Variants in TSC22D3 observed in about 807,000 individuals in gnomAD.
The protein encoded by TSC22D3 is TSC22 domain family protein 3.
TSC22D3 carries 4 observed loss-of-function variants against 11.1 expected under a neutral mutation model. The ratio of observed to expected loss-of-function variants is 0.36; its 90% confidence interval spans 0.18 to 0.83. TSC22D3 has a LOEUF of 0.83. Ranked by LOEUF, TSC22D3 falls within the 40% of genes least tolerant of loss-of-function variation. The pLI, the probability that TSC22D3 is intolerant of heterozygous loss-of-function variation, is 0.48. For missense variants in TSC22D3, 118 were observed against 159.4 expected (o/e 0.74, Z 1.40); for synonymous variants, 77 against 70.3 (o/e 1.10, Z -0.48).
At chrX:107,753,903 C>A (rs1929051507) in intron 1 of TSC22D3, among the ~76,000 whole-genome samples, 1 of 107,085 alleles carries the variant, frequency 9.3e-6, no homozygotes, top group South Asian at 4.1e-4. Context: ...ACCCATGGTG[C>A]AATTTCTTTC....
chrX:107,762,703 A>G (rs1929488645), intron 1 of TSC22D3, among the ~76,000 whole-genome samples: 1 of 109,524 alleles, frequency 9.1e-6, no homozygotes, highest in Non-Finnish European at 1.9e-5. Context: ...TCTTTCTGCT[A>G]TCTAATCTCA....
chrX:107,756,246 A>AG (rs1929169671), intron 1 of TSC22D3, among the ~76,000 whole-genome samples: 1 of 112,115 alleles, frequency 8.9e-6, no homozygotes, highest in African/African-American at 3.3e-5. Flanking sequence ...ATATCTGAGT[A>AG]TTGTTGTTTA....
intron 1 of TSC22D3, among the ~76,000 whole-genome samples, chrX:107,765,106 A>G (rs1929602135): frequency 8.9e-6 from 1 of 111,984 alleles, no homozygotes; most frequent in Non-Finnish European, 1.9e-5. Flanking sequence ...TTCCTACTCA[A>G]GAGCCCTGCT....
At chrX:107,716,215 C>A in intron 1 of TSC22D3, 1 of 829,846 alleles carries the variant, frequency 1.2e-6, no homozygotes, top group Non-Finnish European at 1.6e-6. Flanking sequence ...TCCTGGGGCG[C>A]GCAGGCCACC....
chrX:107,749,002 G>A (rs1481743765), intron 1 of TSC22D3, among the ~76,000 whole-genome samples: 1 of 111,359 alleles, frequency 9.0e-6, no homozygotes, highest in Non-Finnish European at 1.9e-5. Context: ...ACTGGACCCC[G>A]TCTGCTAGCA....
In TSC22D3 at chrX:107,728,491, G is replaced by A. The variant is rs760394934; in HGVS notation, c.321-12541C>T. Among the ~76,000 whole-genome samples, 7 of 112,507 alleles carry A rather than the reference G, an allele frequency of 6.2e-5. No individual in the cohort carries two copies. The South Asian group carries it at 2.6e-3, about 41-fold the overall frequency. ...GGTCAGTTTCCATCTTTAGCTAAAG[G>A]CGCTGGGTCAGTTGGGAATAGGTCA... is the stretch of plus-strand genomic sequence containing the variant. On this transcript the variant is annotated intron_variant, in intron 1 of 2. Coordinates refer to ENST00000372383, the MANE Select transcript of TSC22D3 (RefSeq NM_198057.3).
At chrX:107,735,429 G>A (rs765986010) in intron 1 of TSC22D3, among the ~76,000 whole-genome samples, 1 of 111,471 alleles carries the variant, frequency 9.0e-6, no homozygotes, top group East Asian at 2.8e-4. Flanking sequence ...CAAAGACTTA[G>A]TGATGGGCCC....
intron 1 of TSC22D3, among the ~76,000 whole-genome samples, chrX:107,740,915 G>A (rs1223821262): frequency 9.1e-6 from 1 of 109,709 alleles, no homozygotes; most frequent in East Asian, 2.9e-4. Context: ...CAGAGTCCGG[G>A]TCACCAGACA....
chrX:107,762,846 CTTT>C, intron 1 of TSC22D3, among the ~76,000 whole-genome samples: 1 of 44,801 alleles, frequency 2.2e-5, no homozygotes, highest in Non-Finnish European at 4.4e-5. Flanking sequence ...TGCACATGTA[CTTT>C]TTTTTTTTTT....
At chrX:107,716,475 C>T in intron 1 of TSC22D3, 1 of 1,001,967 alleles carries the variant, frequency 1.0e-6, no homozygotes, top group African/African-American at 2.0e-5. Context: ...AGCTGGTTTT[C>T]ACGGCGCAGC....
chrX:107,769,687 G>A (rs1432615920), intron 1 of TSC22D3, among the ~76,000 whole-genome samples: 1 of 105,256 alleles, frequency 9.5e-6, no homozygotes, highest in Non-Finnish European at 1.9e-5. Flanking sequence ...TACAATATAT[G>A]CATATAATAC....
rs183690193 is a variant in TSC22D3, at chrX:107,724,772, T to C, written c.321-8822A>G. On this transcript the variant is annotated intron_variant, in intron 1 of 2. Transcript: ENST00000372383. ...AACCAATTTGAAGCCTCATACTGCA[T>C]ACTGGGAACGGGAAGTCCTGGCACT... Among the ~76,000 whole-genome samples the C allele has an allele frequency of 5.4e-5, 6 of 110,270 alleles. No homozygotes were observed. The East Asian group carries it at 1.7e-3, about 31-fold the overall frequency.
intron 1 of TSC22D3, among the ~76,000 whole-genome samples, chrX:107,765,757 T>C (rs1267651932): frequency 8.9e-6 from 1 of 112,015 alleles, no homozygotes; most frequent in African/African-American, 3.3e-5. Flanking sequence ...GCAGAGGGGA[T>C]AGGGAGAAGA....
intron 1 of TSC22D3, among the ~76,000 whole-genome samples, chrX:107,745,699 T>A (rs1447552378): frequency 8.9e-6 from 1 of 112,602 alleles, no homozygotes; most frequent in African/African-American, 3.2e-5. Context: ...AGCTAATATC[T>A]TGAAAGAGAG....
chrX:107,751,634 G>C (rs1602402380), intron 1 of TSC22D3, among the ~76,000 whole-genome samples: 1 of 112,277 alleles, frequency 8.9e-6, no homozygotes, highest in African/African-American at 3.2e-5. Context: ...TCTTCCGTAA[G>C]TGCCTGCCTG....
intron 1 of TSC22D3, among the ~76,000 whole-genome samples, chrX:107,758,100 A>G (rs1357887918): frequency 9.1e-6 from 1 of 110,096 alleles, no homozygotes; most frequent in Non-Finnish European, 1.9e-5. Flanking sequence ...GAAAGAATGA[A>G]CAGAGCCAAG....
intron 1 of TSC22D3, among the ~76,000 whole-genome samples, chrX:107,734,163 A>G (rs1295908620): frequency 1.8e-5 from 2 of 111,789 alleles, no homozygotes; most frequent in East Asian, 5.6e-4. Context: ...GAGTCCTCTC[A>G]CCTGAAGAAA....
chrX:107,726,163 A>G (rs908472174), intron 1 of TSC22D3, among the ~76,000 whole-genome samples: 1 of 111,964 alleles, frequency 8.9e-6, no homozygotes, highest in Non-Finnish European at 1.9e-5. Context: ...CCCTGGCAAC[A>G]AGGCCATCTC....
intron 1 of TSC22D3, chrX:107,774,847 C>T (rs1411654845): frequency 4.9e-6 from 2 of 412,117 alleles, no homozygotes; most frequent in Admixed American, 4.3e-5. Flanking sequence ...TGGGGTCTGC[C>T]CACCTTCTAG....
Sources: gnomAD v4.1 joint callset for allele counts (sites outside exome capture counted in the v4.1 genomes callset) on GRCh38, gnomAD v4.1.1 for gene constraint, MANE v1.5 for transcripts, NCBI Gene and HGNC (gene_info 2026-07-23, HGNC 2026-07-21) for gene names.